CXorf58: variants seen among roughly 807,000 people sequenced by gnomAD.
CXorf58 encodes chromosome X open reading frame 58, also known as uncharacterized protein CXorf58.
CXorf58 carries 24 observed loss-of-function variants against 26.0 expected under a neutral mutation model. The observed-to-expected ratio is 0.92, with a 90% CI of 0.67 to 1.30. The LOEUF (loss-of-function observed/expected upper bound fraction) is 1.30. Ranked by LOEUF, CXorf58 falls within the 50% of genes most tolerant of loss-of-function variation. The pLI is 0.00. For missense variants in CXorf58, 236 were observed against 263.9 expected (o/e 0.89, Z 0.73); for synonymous variants, 87 against 86.1 (o/e 1.01, Z -0.06).
intron 6 of CXorf58, among the ~76,000 whole-genome samples, chrX:23,933,052 T>C (rs1928202764): frequency 9.1e-6 from 1 of 110,229 alleles, no homozygotes; most frequent in Admixed American, 9.7e-5. Context: ...TCCTAACACT[T>C]GGTGAGGCAG....
At chrX:23,922,594 C>A (rs1163391510) in intron 5 of CXorf58, among the ~76,000 whole-genome samples, 2 of 111,627 alleles carry the variant, frequency 1.8e-5, no homozygotes, top group African/African-American at 6.5e-5. Context: ...TCCCATTTTC[C>A]CTATTAGGAA....
At chrX:23,937,222 G>A (rs1928313865) in intron 7 of CXorf58, among the ~76,000 whole-genome samples, 1 of 110,677 alleles carries the variant, frequency 9.0e-6, no homozygotes, top group South Asian at 3.8e-4. Context: ...GGTAACTGGA[G>A]CTTAATCTCC....
intron 6 of CXorf58, among the ~76,000 whole-genome samples, chrX:23,930,737 T>C (rs1928148120): frequency 1.8e-5 from 2 of 111,037 alleles, no homozygotes; most frequent in Non-Finnish European, 3.8e-5. Flanking sequence ...CAGATGATCA[T>C]TAGCATTTTT....
Position 23,932,526 on chromosome X carries a change from G to C in CXorf58, c.556-2670G>C, listed in dbSNP as rs1323981413. On this transcript the variant is annotated intron_variant, in intron 6 of 8. Transcript: ENST00000379211. ...TTCCATTTTTGTAAAATGTCACATG[G>C]GTTTATCATTGGGAGACAAAAATGC... Among the ~76,000 whole-genome samples, 3 of 111,804 alleles carry C rather than the reference G, an allele frequency of 2.7e-5. No individual in the cohort carries two copies. In the East Asian group the frequency reaches 8.3e-4, roughly 31 times the overall value.
chrX:23,929,839 C>CT (rs1307840970), intron 6 of CXorf58, among the ~76,000 whole-genome samples: 1 of 111,946 alleles, frequency 8.9e-6, no homozygotes, highest in Non-Finnish European at 1.9e-5. Context: ...GCTAATGCAG[C>CT]TGGTAACTTT....
At chrX:23,922,774 A>G (rs1293172537) in intron 5 of CXorf58, among the ~76,000 whole-genome samples, 1 of 112,551 alleles carries the variant, frequency 8.9e-6, no homozygotes, top group African/African-American at 3.2e-5. Flanking sequence ...AACTGTTCCA[A>G]TGCATGGATA....
chrX:23,938,153 G>T (rs1340464057), intron 7 of CXorf58, among the ~76,000 whole-genome samples: 1 of 111,105 alleles, frequency 9.0e-6, no homozygotes, highest in African/African-American at 3.3e-5. Context: ...CTCCCAAAGT[G>T]CTGAGATTAC....
chrX:23,933,450 G>A (rs1366978685), intron 6 of CXorf58, among the ~76,000 whole-genome samples: 1 of 111,554 alleles, frequency 9.0e-6, no homozygotes, highest in Non-Finnish European at 1.9e-5. Context: ...TGGAAAAAAA[G>A]AAAAGTGGGA....
chrX:23,914,148 C>T (rs935100393), intron 3 of CXorf58, among the ~76,000 whole-genome samples: 3 of 110,502 alleles, frequency 2.7e-5, no homozygotes, highest in South Asian at 3.9e-4. Flanking sequence ...TGCAGTGGCA[C>T]GATCTCGGCT....
At chrX:23,922,352 T>G (rs1446070805) in intron 5 of CXorf58, among the ~76,000 whole-genome samples, 4 of 111,022 alleles carry the variant, frequency 3.6e-5, no homozygotes, top group Non-Finnish European at 1.9e-5. Context: ...CCAGCCTGAG[T>G]GACAGAGTGA....
intron 3 of CXorf58, among the ~76,000 whole-genome samples, chrX:23,913,608 A>G (rs907974957): frequency 1.8e-5 from 2 of 112,106 alleles, no homozygotes; most frequent in Non-Finnish European, 3.8e-5. Flanking sequence ...TAAAAGCAGA[A>G]TACGGCTGGG....
At chrX:23,936,956 G>A (rs1318139864) in intron 7 of CXorf58, among the ~76,000 whole-genome samples, 1 of 111,937 alleles carries the variant, frequency 8.9e-6, no homozygotes, top group African/African-American at 3.2e-5. Flanking sequence ...TGATCTCCCT[G>A]CTATTTGGAT....
At chrX:23,928,394 G>A (rs1928071978) in intron 6 of CXorf58, among the ~76,000 whole-genome samples, 1 of 110,710 alleles carries the variant, frequency 9.0e-6, no homozygotes, top group Non-Finnish European at 1.9e-5. Flanking sequence ...TATTGGCCAG[G>A]CTGGTCTCAA....
chrX:23,933,456 T>C (rs1302146665), intron 6 of CXorf58, among the ~76,000 whole-genome samples: 2 of 111,869 alleles, frequency 1.8e-5, no homozygotes, highest in Non-Finnish European at 3.8e-5. Context: ...AAAAGAAAAG[T>C]GGGATTTCTA....
chrX:23,936,666 T>C (rs975885123), intron 7 of CXorf58, among the ~76,000 whole-genome samples: 13 of 112,179 alleles, frequency 1.2e-4, no homozygotes, highest in African/African-American at 4.2e-4. Context: ...ACTCCCTTTG[T>C]ACATGAAGAA....
Position 23,939,359 on chromosome X carries a change from A to G in CXorf58, c.*56A>G. On this transcript the variant is annotated 3_prime_UTR_variant, in exon 9 of 9. Transcript: ENST00000379211. ...GTGTCAGCTGGAAAAAGAAAAAAGG[A>G]CTCATTTTCCTGGTATCAAAACTTG... The G allele has an allele frequency of 1.1e-6, 1 of 907,116 alleles. No homozygotes were observed. Among genetic ancestry groups the G allele is most frequent in the East Asian group, 3.2e-5 (1 of 31,572 alleles). The allele number at this position is 907,116 out of a possible 1,213,427, so 74.8% of individuals were successfully genotyped here. A position where few individuals can be genotyped will look rare whatever the true frequency, so the allele number is the denominator to read the frequency against.
intron 3 of CXorf58, 73 bp from the exon 4 acceptor site, chrX:23,915,627 C>A (rs1199756481): frequency 5.0e-6 from 3 of 598,777 alleles, no homozygotes; most frequent in East Asian, 6.8e-5. Flanking sequence ...TACCACGTTG[C>A]CTCTGTTATA....
intron 5 of CXorf58, among the ~76,000 whole-genome samples, chrX:23,919,188 TAGGGCC>T (rs1927803190): frequency 8.9e-6 from 1 of 112,020 alleles, no homozygotes; most frequent in Non-Finnish European, 1.9e-5. Flanking sequence ...ACCTCCTTTT[TAGGGCC>T]AATAATTCTT....
chrX:23,938,835 T>C, intron 8 of CXorf58, 135 bp downstream of exon 8: 1 of 437,081 alleles, frequency 2.3e-6, no homozygotes, highest in Non-Finnish European at 3.8e-6. Flanking sequence ...TTATCATAGG[T>C]AGTATAAAGT....
Sources: gnomAD v4.1 joint callset for allele counts (sites outside exome capture counted in the v4.1 genomes callset) on GRCh38, gnomAD v4.1.1 for gene constraint, MANE v1.5 for transcripts, NCBI Gene and HGNC (gene_info 2026-07-23, HGNC 2026-07-21) for gene names.